The following NUGGC variants were observed in gnomAD, a reference collection of about 807,000 sequenced individuals.
NUGGC encodes nuclear GTPase, germinal center associated.
In NUGGC, 58 loss-of-function variants were observed where a neutral mutation model predicts 92.6. The ratio of observed to expected loss-of-function variants is 0.63; its 90% CI spans 0.51 to 0.78. The LOEUF (loss-of-function observed/expected upper bound fraction) is 0.78. Ranked by LOEUF, NUGGC falls within the 30% of genes least tolerant of loss-of-function variation. The probability of loss-of-function intolerance (pLI) is 0.00; values close to 1 mark genes in which losing one functional copy is unlikely to be tolerated. For missense variants in NUGGC, 925 were observed against 964.6 expected, an observed-to-expected ratio of 0.96 and a Z score of 0.54; for synonymous variants, 376 against 366.4, an observed-to-expected ratio of 1.03 and a Z score of -0.30.
At chr8:28,063,409 C>T (rs900671796) in intron 7 of NUGGC, among the ~76,000 whole-genome samples, 5 of 152,222 alleles carry the variant, frequency 3.3e-5, no homozygotes, top group African/African-American at 7.2e-5. Flanking sequence ...CTCTCTCGGC[C>T]GGGCCTGGAA....
Position 28,060,606 on chromosome 8 carries a change from A to T in NUGGC, c.922-5T>A, listed in dbSNP as rs780719082. On this transcript the variant is annotated splice_polypyrimidine_tract_variant and splice_region_variant and intron_variant, in intron 7 of 18. Transcript: ENST00000413272. ...CACTGAGCACTTGTCAATGGTCTGC[A>T]AAACATGACCACGGCATGTGTCAGC... 13 of 1,607,808 alleles carry T rather than the reference A, an allele frequency of 8.1e-6. No individual in the cohort carries two copies. Among genetic ancestry groups the T allele is most frequent in the Non-Finnish European group, 1.0e-5 (12 of 1,177,334 alleles).
rs181272604 is a variant in NUGGC, at chr8:28,065,026, C to T, written c.712-295G>A. 2.6e-4 allele frequency among the ~76,000 whole-genome samples: 40 copies of T among 152,172 alleles called. 1 individual carries two copies. The South Asian group carries it at 4.4e-3, about 17-fold the overall frequency. ...ATAAGTTTATCTTCTAAACTGCATTCAGTTCTAAAATTAACATACTATGTA... is the reference window on the plus strand; with the variant it reads ...ATAAGTTTATCTTCTAAACTGCATTTAGTTCTAAAATTAACATACTATGTA... On this transcript the variant is annotated intron_variant, in intron 6 of 18. Coordinates refer to ENST00000413272, the MANE Select transcript of NUGGC (RefSeq NM_001010906.2).
chr8:28,052,221 T>C (rs948162518), intron 10 of NUGGC, among the ~76,000 whole-genome samples: 48 of 152,290 alleles, frequency 3.2e-4, no homozygotes, highest in African/African-American at 1.2e-3. Context: ...AAGAGGCACA[T>C]TGTTTCCCCG....
chr8:28,032,017 C>G (rs183057499), intron 14 of NUGGC, among the ~76,000 whole-genome samples: 5 of 152,304 alleles, frequency 3.3e-5, no homozygotes, highest in African/African-American at 1.2e-4. Flanking sequence ...TGAGCTAATG[C>G]CTGCCAAGTG....
intron 6 of NUGGC, among the ~76,000 whole-genome samples, chr8:28,065,118 AT>A (rs1422965026): frequency 7.5e-6 from 1 of 133,710 alleles, no homozygotes; most frequent in Non-Finnish European, 1.6e-5. Context: ...TGGTAACCAT[AT>A]TTTCCAAACT....
intron 17 of NUGGC, among the ~76,000 whole-genome samples, chr8:28,028,163 G>A (rs1241439873): frequency 6.6e-6 from 1 of 151,784 alleles, no homozygotes; most frequent in African/African-American, 2.4e-5. Context: ...CATGGTCAAC[G>A]TACACATTTT....
At chr8:28,068,151 GA>G in intron 5 of NUGGC, 64 bp downstream of exon 5, 1 of 996,154 alleles carries the variant, frequency 1.0e-6, no homozygotes. Flanking sequence ...AGGAGGGAAC[GA>G]AAAAGGAAGA....
chr8:28,040,977 G>A, intron 13 of NUGGC, 74 bp downstream of exon 13: 1 of 1,398,608 alleles, frequency 7.1e-7, no homozygotes, highest in Non-Finnish European at 9.8e-7. Flanking sequence ...AAGGGAATGG[G>A]ATGATGCAAA....
chr8:28,076,221 G>A (rs1310921061), intron 1 of NUGGC, among the ~76,000 whole-genome samples: 1 of 152,206 alleles, frequency 6.6e-6, no homozygotes, highest in Non-Finnish European at 1.5e-5. Context: ...CTGAATGAAT[G>A]GATAACATAA....
chr8:28,079,290 C>G (rs576094993), intron 1 of NUGGC, among the ~76,000 whole-genome samples: 2 of 152,176 alleles, frequency 1.3e-5, no homozygotes, highest in African/African-American at 2.4e-5. Flanking sequence ...GCCTGTAATC[C>G]CAGCACTTTG....
At chr8:28,074,585 A>G (rs1460064027) in intron 1 of NUGGC, 129 bp from the exon 2 acceptor site, 1 of 654,654 alleles carries the variant, frequency 1.5e-6, no homozygotes, top group Admixed American at 2.1e-5. Flanking sequence ...AATCCCTCAC[A>G]ACACCTAGTA....
intron 1 of NUGGC, among the ~76,000 whole-genome samples, chr8:28,080,195 G>A (rs1192247486): frequency 6.6e-6 from 1 of 152,044 alleles, no homozygotes; most frequent in East Asian, 1.9e-4. Flanking sequence ...GCCTACCTTG[G>A]CCTCCCAAAG....
At chr8:28,074,725 G>A (rs1189830197) in intron 1 of NUGGC, among the ~76,000 whole-genome samples, 2 of 152,176 alleles carry the variant, frequency 1.3e-5, no homozygotes, top group African/African-American at 4.8e-5. Context: ...GATCACTTGA[G>A]GTCAGGAGTT....
chr8:28,058,205 A>T (rs1252650687), intron 9 of NUGGC, 53 bp downstream of exon 9: 5 of 325,394 alleles, frequency 1.5e-5, no homozygotes, highest in Non-Finnish European at 2.7e-5. Flanking sequence ...AAAATAAAAA[A>T]TAAATAGATA....
In NUGGC at chr8:28,035,822, G is replaced by A. The variant is rs190897934; in HGVS notation, c.1612-2125C>T. Among the ~76,000 whole-genome samples the A allele has an allele frequency of 2.0e-4, 30 of 152,320 alleles. No homozygotes were observed. In the East Asian group the frequency reaches 5.0e-3, roughly 25 times the overall value. ...TGGCCAAATCCAATGGCTCTGGTTT[G>A]CTTTTGTTTGTTTGTTTGTTTTTTA... On this transcript the variant is annotated intron_variant, in intron 13 of 18. Coordinates refer to ENST00000413272, the MANE Select transcript of NUGGC (RefSeq NM_001010906.2).
intron 15 of NUGGC, 61 bp downstream of exon 15, chr8:28,031,182 C>A: frequency 6.3e-7 from 1 of 1,593,214 alleles, no homozygotes; most frequent in East Asian, 2.2e-5. Context: ...ACCTACAAAA[C>A]TGGCCTGGGA....
intron 9 of NUGGC, among the ~76,000 whole-genome samples, chr8:28,056,275 G>A (rs568325329): frequency 1.3e-5 from 2 of 152,030 alleles, no homozygotes; most frequent in South Asian, 2.1e-4. Flanking sequence ...TCAAGAGATC[G>A]AGACCATCCT....
chr8:28,024,882 T>A (rs75208945), intron 18 of NUGGC, among the ~76,000 whole-genome samples: 6,279 of 152,308 alleles, frequency 0.041, 177 homozygotes, highest in Non-Finnish European at 0.061. Context: ...ACTTCAAGAA[T>A]AACGATCTGA....
intron 1 of NUGGC, among the ~76,000 whole-genome samples, chr8:28,080,128 G>GAT (rs1810815286): frequency 1.3e-5 from 2 of 152,084 alleles, no homozygotes; most frequent in African/African-American, 4.8e-5. Flanking sequence ...CTCTAGTAGA[G>GAT]ACAAGGTTTC....
Sources: gnomAD v4.1 joint callset for allele counts (sites outside exome capture counted in the v4.1 genomes callset) on GRCh38, gnomAD v4.1.1 for gene constraint, MANE v1.5 for transcripts, NCBI Gene and HGNC (gene_info 2026-07-23, HGNC 2026-07-21) for gene names.